CNTROB: variants seen among roughly 807,000 people sequenced by gnomAD.
The protein encoded by CNTROB is centrobin.
In CNTROB, 82 loss-of-function variants were observed where a neutral mutation model predicts 115.7. The observed-to-expected ratio is 0.71, with a 90% CI of 0.59 to 0.85. CNTROB has a LOEUF of 0.85. Among genes scored for constraint, CNTROB ranks in the 40% least tolerant of loss-of-function variants. The probability of loss-of-function intolerance (pLI) is 0.00; values close to 1 mark genes in which losing one functional copy is unlikely to be tolerated. For synonymous variants in CNTROB, 439 were observed against 456.4 expected, an observed-to-expected ratio of 0.96 and a Z score of 0.49; for missense variants, 1,014 against 1,144.4, an observed-to-expected ratio of 0.89 and a Z score of 1.64.
intron 1 of CNTROB, 129 bp from the exon 2 acceptor site, chr17:7,934,009 G>A: frequency 1.4e-6 from 1 of 690,888 alleles, no homozygotes; most frequent in Non-Finnish European, 2.6e-6. Flanking sequence ...TTCAAGTTTA[G>A]GACATCCCTT....
chr17:7,944,708 C>G lies in CNTROB; in HGVS notation c.1734+70C>G, dbSNP rs892335419. The G allele has an allele frequency of 1.3e-6, 2 of 1,528,572 alleles. No homozygotes were observed. The highest frequency in any genetic ancestry group is 3.9e-5 in the Admixed American group (2 of 51,548). 94.7% of individuals were successfully genotyped at this position (1,528,572 alleles called of 1,614,324 possible). Reference sequence around the variant, plus strand: ...TTTATTTTTATTTTTGAGACAGGGTCTCACTCTTGCCCAGGCTGGAGTGTA... The same window carrying G: ...TTTATTTTTATTTTTGAGACAGGGTGTCACTCTTGCCCAGGCTGGAGTGTA... On this transcript the variant is annotated intron_variant, in intron 12 of 18. Transcript: ENST00000563694. The surrounding 1 kb of genome is among the most constrained non-coding windows in gnomAD (Gnocchi z 4.0).
At position 7,949,582 on chromosome 17, in the gene CNTROB, G is replaced by A; in HGVS notation, c.*72G>A. 5 of 1,454,288 alleles carry A rather than the reference G, an allele frequency of 3.4e-6. No individual in the cohort carries two copies. Among genetic ancestry groups the A allele is most frequent in the Non-Finnish European group, 4.6e-6 (5 of 1,090,652 alleles). 90.1% of individuals were successfully genotyped at this position (1,454,288 alleles called of 1,614,324 possible). On this transcript the variant is annotated 3_prime_UTR_variant, in exon 19 of 19. Coordinates refer to ENST00000563694, the MANE Select transcript of CNTROB (RefSeq NM_053051.5). ...AATAAATGCTCATTAGTCTGTATCA[G>A]AGTCTCTGGCTCATAGGAATTTGGA...
At position 7,932,912 on chromosome 17, in the gene CNTROB, C is replaced by G; in HGVS notation, c.-168C>G. 1 of 718,086 alleles carries G rather than the reference C, an allele frequency of 1.4e-6. No individual in the cohort carries two copies. The allele number at this position is 718,086 out of a possible 1,614,324, so 44.5% of individuals were successfully genotyped here. A position where few individuals can be genotyped will look rare whatever the true frequency, so the allele number is the denominator to read the frequency against. On this transcript the variant is annotated 5_prime_UTR_variant, in exon 1 of 19. Transcript: ENST00000563694. Reference sequence around the variant, plus strand: ...CCATGGCCCCTGGAACTGGTGGAAACCTTTCCTCTAACCAGAAAGCCTCGA... The same window carrying G: ...CCATGGCCCCTGGAACTGGTGGAAAGCTTTCCTCTAACCAGAAAGCCTCGA...
Position 7,948,336 on chromosome 17 carries a change from G to A in CNTROB, c.2380+9G>A, listed in dbSNP as rs1555630157. The stretch of plus-strand genomic sequence containing the variant: ...TGGTTCCCCAGAGAGAGGTGAGCAT[G>A]TTCTGGTTTATTAGGGAAAAAAGGA... On this transcript the variant is annotated intron_variant, in intron 16 of 18. Coordinates refer to ENST00000563694, the MANE Select transcript of CNTROB (RefSeq NM_053051.5). The surrounding 1 kb of genome is among the most constrained non-coding windows in gnomAD (Gnocchi z 4.4). The A allele has an allele frequency of 1.2e-6, 2 of 1,613,996 alleles. No individual in the cohort carries two copies.
intron 9 of CNTROB, among the ~76,000 whole-genome samples, 159 bp downstream of exon 9, chr17:7,940,401 T>G (rs1267119486): frequency 1.3e-5 from 2 of 152,238 alleles, no homozygotes; most frequent in African/African-American, 4.8e-5. Context: ...TGTCCTAAAC[T>G]CAGAGCTATT....
intron 8 of CNTROB, 27 bp from the exon 9 acceptor site, chr17:7,940,069 T>C (rs1253233690): frequency 3.8e-6 from 6 of 1,571,046 alleles, no homozygotes; most frequent in Non-Finnish European, 5.2e-6. Context: ...ATGAGGTATG[T>C]ATATACATTT....
At chr17:7,936,909 C>A in intron 6 of CNTROB, 92 bp downstream of exon 6, 1 of 786,402 alleles carries the variant, frequency 1.3e-6, no homozygotes. Context: ...GGGTTTCCAA[C>A]AGATTGACCT....
At chr17:7,946,565 C>T (rs767338270) in intron 13 of CNTROB, among the ~76,000 whole-genome samples, 19 of 152,144 alleles carry the variant, frequency 1.2e-4, no homozygotes, top group Non-Finnish European at 2.2e-4. Context: ...CAACCTAGGT[C>T]GAATTAAAAA....
rs551748667 is a variant in CNTROB at position 7,947,118 on chromosome 17, G to A, written c.1994-453G>A. ...GGAGCTTGCAGTGAGCCGAGATCGCGCCGCTGCACTTCAGCCTGGGCGACA... is the reference window on the plus strand; with the variant it reads ...GGAGCTTGCAGTGAGCCGAGATCGCACCGCTGCACTTCAGCCTGGGCGACA... On this transcript the variant is annotated intron_variant, in intron 13 of 18. Coordinates refer to ENST00000563694, the MANE Select transcript of CNTROB (RefSeq NM_053051.5). Among the ~76,000 whole-genome samples, 1,010 of 149,912 alleles carry A rather than the reference G, an allele frequency of 6.7e-3. 12 individuals are homozygous for A. Among genetic ancestry groups the A allele is most frequent in the African/African-American group, 0.023 (943 of 40,568 alleles).
chr17:7,949,716 T>C lies in CNTROB; in HGVS notation c.*206T>C, dbSNP rs546486427. The C allele has an allele frequency of 3.6e-5, 17 of 469,296 alleles. No homozygotes were observed. The highest frequency in any genetic ancestry group is 5.8e-5 in the Non-Finnish European group (16 of 277,958). 29.1% of individuals were successfully genotyped at this position (469,296 alleles called of 1,614,324 possible). On this transcript the variant is annotated 3_prime_UTR_variant, in exon 19 of 19. Transcript: ENST00000563694. ...CATTTCCTGTGGGAAAAGACATGAA[T>C]GCTTTGGAAGACGGTCTATGACAAG... is the stretch of plus-strand genomic sequence containing the variant.
At position 7,949,648 on chromosome 17, in the gene CNTROB, C is replaced by T. The variant is rs534640771; in HGVS notation, c.*138C>T. The T allele has an allele frequency of 1.9e-5, 15 of 801,020 alleles. No homozygotes were observed. Among genetic ancestry groups the T allele is most frequent in the Non-Finnish European group, 2.7e-5 (15 of 549,422 alleles). 49.6% of individuals were successfully genotyped at this position (801,020 alleles called of 1,614,324 possible). ...AGGGAATCACTTCGTAAAGAAACCA[C>T]ATTTGGTTGAGTACTTTTTTTATAT... On this transcript the variant is annotated 3_prime_UTR_variant, in exon 19 of 19. Coordinates refer to ENST00000563694, the MANE Select transcript of CNTROB (RefSeq NM_053051.5).
At chr17:7,942,825 G>A (rs1308064945) in intron 9 of CNTROB, among the ~76,000 whole-genome samples, 3 of 103,484 alleles carry the variant, frequency 2.9e-5, no homozygotes, top group East Asian at 2.8e-4. Context: ...TTTTTGAGAC[G>A]GAGTCTCGCT....
chr17:7,942,434 A>G (rs1206697282), intron 9 of CNTROB, among the ~76,000 whole-genome samples: 2 of 151,746 alleles, frequency 1.3e-5, no homozygotes, highest in African/African-American at 4.8e-5. Context: ...CGTCTCTACT[A>G]AAAATACAAA....
At position 7,932,854 on chromosome 17, in the gene CNTROB, A is replaced by G. The variant is rs975053844; in HGVS notation, c.-226A>G. The G allele has an allele frequency of 1.7e-6, 1 of 572,272 alleles. No individual in the cohort carries two copies. The allele number at this position is 572,272 out of a possible 1,614,324, so 35.4% of individuals were successfully genotyped here. ...GCTGCACCCTCTTAACGCTGTTCCC[A>G]GGAGCTGGGGAAAGGGATGCTTTTG... On this transcript the variant is annotated 5_prime_UTR_variant, in exon 1 of 19. Transcript: ENST00000563694.
rs746231719 is a variant in CNTROB at position 7,936,416 on chromosome 17, G to A, written c.645G>A (p.Gln215=). The A allele has an allele frequency of 6.3e-7, 1 of 1,575,576 alleles. No individual in the cohort carries two copies. The highest frequency in any genetic ancestry group is 1.1e-5 in the South Asian group (1 of 90,356). ...TGCAGACCCGAGTGTTAGAGCTACA[G>A]CAACAATTAGCCGTGGCTGTGGCTG... is the stretch of plus-strand genomic sequence containing the variant. ...QSLQTRVLEL[Q]QQLAVAVAAD... is the part of the protein sequence containing the mutation. Residue 215 remains glutamine, a synonymous_variant, in exon 5 of 19, where the codon CAG becomes CAA. Coordinates refer to ENST00000563694, the MANE Select transcript of CNTROB (RefSeq NM_053051.5).
intron 6 of CNTROB, 28 bp downstream of exon 6, chr17:7,936,845 G>A (rs1195244419): frequency 6.6e-6 from 6 of 905,288 alleles, no homozygotes; most frequent in Non-Finnish European, 9.4e-6. Context: ...TATGGCATTA[G>A]AACCTGAGTC....
Position 7,948,262 on chromosome 17 carries a change from G to C in CNTROB, c.2315G>C (p.Arg772Pro), listed in dbSNP as rs367622600. 1.2e-6 allele frequency: 2 copies of C among 1,614,026 alleles called. No individual in the cohort carries two copies. The highest frequency in any genetic ancestry group is 1.7e-6 in the Non-Finnish European group (2 of 1,180,022). ...TTAGCCATGGCATCCAGTCTTTTCC[G>C]GGTCCCTGAGCCTCCCTCCTCCCAT... Reference protein sequence around the residue: ...VPLAMASSLFRVPEPPSSHSQ... With the variant: ...VPLAMASSLFPVPEPPSSHSQ... Residue 772 changes from arginine (R) to proline (P), a missense_variant, in exon 16 of 19, where the codon CGG (arginine) becomes CCG (proline). Arg to Pro is a moderately radical substitution (Grantham distance 103, BLOSUM62 -2). Transcript: ENST00000563694. The surrounding 1 kb of genome is among the most constrained non-coding windows in gnomAD (Gnocchi z 4.4).
rs748471540 is a variant in CNTROB at position 7,934,432 on chromosome 17, C to G, written c.356-33C>G. 3.1e-6 allele frequency: 5 copies of G among 1,605,454 alleles called. No homozygotes were observed. The South Asian group carries it at 5.5e-5, about 18-fold the overall frequency. On this transcript the variant is annotated intron_variant, in intron 2 of 18. Coordinates refer to ENST00000563694, the MANE Select transcript of CNTROB (RefSeq NM_053051.5). ...GGCCCCTGTTTTTGTCATTACCTGACTCTGGCTTTGGGGTCCCTCTGGCTG... is the reference window on the plus strand; with the variant it reads ...GGCCCCTGTTTTTGTCATTACCTGAGTCTGGCTTTGGGGTCCCTCTGGCTG...
chr17:7,938,650 A>G (rs1324518835), intron 7 of CNTROB, among the ~76,000 whole-genome samples: 1 of 152,214 alleles, frequency 6.6e-6, no homozygotes, highest in African/African-American at 2.4e-5. Flanking sequence ...TACAGATAAG[A>G]ATGTATGCCT....
Sources: allele counts gnomAD v4.1 joint callset (sites outside exome capture counted in the v4.1 genomes callset), GRCh38; gene constraint gnomAD v4.1.1; non-coding constraint Gnocchi (gnomAD v3.1); transcripts MANE v1.5; gene names NCBI Gene and HGNC (gene_info 2026-07-23, HGNC 2026-07-21).